CYP7B1: variants seen among roughly 807,000 people sequenced by gnomAD.
CYP7B1 encodes cytochrome P450 7B1.
Under a neutral mutation model 42.7 loss-of-function variants are expected in CYP7B1, and 29 were observed. The ratio of observed to expected loss-of-function variants is 0.68; its 90% CI spans 0.51 to 0.93. CYP7B1 has a LOEUF of 0.93. Among genes scored for constraint, CYP7B1 ranks in the 40% least tolerant of loss-of-function variants. CYP7B1 has a pLI of 0.00. For missense variants in CYP7B1, 655 were observed against 600.5 expected, an observed-to-expected ratio of 1.09 and a Z score of -0.95; for synonymous variants, 235 against 218.2, an observed-to-expected ratio of 1.08 and a Z score of -0.68.
chr8:64,794,403 T>C, intron 1 of CYP7B1, among the ~76,000 whole-genome samples: 1 of 152,230 alleles, frequency 6.6e-6, no homozygotes, highest in East Asian at 1.9e-4. Flanking sequence ...TTCAGACTGC[T>C]ATTGCAAAAT....
At chr8:64,588,786 T>C (rs62519840), downstream of CYP7B1, among the ~76,000 whole-genome samples, 11,583 of 152,296 alleles carry the variant, frequency 0.076, 503 homozygotes, top group Non-Finnish European at 0.1. Flanking sequence ...AAAATTCAGA[T>C]GCCAGGCTGA....
chr8:64,727,028 A>G, intron 1 of CYP7B1, among the ~76,000 whole-genome samples: 1 of 152,164 alleles, frequency 6.6e-6, no homozygotes, highest in African/African-American at 2.4e-5. Flanking sequence ...CAACACAAAT[A>G]GGTCTAATTC....
intron 1 of CYP7B1, among the ~76,000 whole-genome samples, chr8:64,635,070 A>G (rs1805750473): frequency 6.6e-6 from 1 of 152,234 alleles, no homozygotes; most frequent in Non-Finnish European, 1.5e-5. Context: ...CACAGCACAC[A>G]GTGTCTACTT....
chr8:64,777,721 C>A (rs1804349912), intron 1 of CYP7B1, among the ~76,000 whole-genome samples: 1 of 152,000 alleles, frequency 6.6e-6, no homozygotes, highest in Admixed American at 6.6e-5. Context: ...AACCCAAAGA[C>A]TCCATCCACC....
At chr8:64,787,030 A>G (rs1804539418) in intron 1 of CYP7B1, among the ~76,000 whole-genome samples, 1 of 152,240 alleles carries the variant, frequency 6.6e-6, no homozygotes, top group South Asian at 2.1e-4. Context: ...ACAGGGCATG[A>G]TGTCCTAGGC....
chr8:64,590,013 A>G (rs1000780773), downstream of CYP7B1, among the ~76,000 whole-genome samples: 1 of 152,242 alleles, frequency 6.6e-6, no homozygotes, highest in African/African-American at 2.4e-5. Context: ...CAGCACAGCC[A>G]TTGGGCATTT....
intron 2 of CYP7B1, among the ~76,000 whole-genome samples, chr8:64,620,462 C>T (rs923258406): frequency 6.6e-6 from 1 of 152,134 alleles, no homozygotes; most frequent in African/African-American, 2.4e-5. Context: ...CACCACCACA[C>T]AAAACCAATT....
intron 5 of CYP7B1, among the ~76,000 whole-genome samples, chr8:64,601,020 T>C (rs1805194867): frequency 6.6e-6 from 1 of 152,226 alleles, no homozygotes; most frequent in African/African-American, 2.4e-5. Context: ...TTAAGTCTAC[T>C]AGTGGCACAA....
At chr8:64,648,381 GAAATACAACGCTATTT>G (rs1805986073) in intron 1 of CYP7B1, among the ~76,000 whole-genome samples, 1 of 152,278 alleles carries the variant, frequency 6.6e-6, no homozygotes, top group African/African-American at 2.4e-5. Flanking sequence ...TTGTTAAAGA[GAAATACAACGCTATTT>G]AATGATGGTA....
intron 1 of CYP7B1, among the ~76,000 whole-genome samples, chr8:64,743,528 A>G (rs1034763451): frequency 6.6e-6 from 1 of 152,156 alleles, no homozygotes; most frequent in African/African-American, 2.4e-5. Context: ...GTCCAAGATC[A>G]AGGTGTCAAC....
chr8:64,628,252 G>GC (rs955164408), intron 1 of CYP7B1, among the ~76,000 whole-genome samples: 2 of 152,138 alleles, frequency 1.3e-5, no homozygotes, highest in Non-Finnish European at 2.9e-5. Context: ...CAAGTTCTAT[G>GC]CAAGTACCAT....
chr8:64,686,263 G>A (rs1182005112), intron 1 of CYP7B1, among the ~76,000 whole-genome samples: 4 of 45,442 alleles, frequency 8.8e-5, no homozygotes, highest in African/African-American at 3.3e-4. Context: ...CAGCCGCCCC[G>A]TCCGGGAGGG....
rs542026423 is a variant in CYP7B1 at position 64,755,286 on chromosome 8, C to T, written c.122+43180G>A. Among the ~76,000 whole-genome samples, 10 of 152,322 alleles carry T rather than the reference C, an allele frequency of 6.6e-5. No homozygotes were observed. In the East Asian group the frequency reaches 1.4e-3, roughly 21 times the overall value. On this transcript the variant is annotated intron_variant, in intron 1 of 5. Coordinates refer to ENST00000310193, the MANE Select transcript of CYP7B1 (RefSeq NM_004820.5). ...GTGCTTCATATGATTAGTGAAAGGA[C>T]GTTCTGCTTCTTCCATTTTATTTGT...
chr8:64,705,592 T>G (rs112193455), intron 1 of CYP7B1, among the ~76,000 whole-genome samples: 1 of 148,106 alleles, frequency 6.8e-6, no homozygotes, highest in Non-Finnish European at 1.5e-5. Flanking sequence ...TAAGATTTTT[T>G]GGGGGTGAGG....
chr8:64,723,732 A>C (rs1306675874), intron 1 of CYP7B1, among the ~76,000 whole-genome samples: 1 of 152,216 alleles, frequency 6.6e-6, no homozygotes, highest in East Asian at 1.9e-4. Flanking sequence ...ATCTCAAAGA[A>C]ATAAAAGCAC....
chr8:64,791,012 A>G (rs1378420443), intron 1 of CYP7B1, among the ~76,000 whole-genome samples: 1 of 152,220 alleles, frequency 6.6e-6, no homozygotes, highest in Non-Finnish European at 1.5e-5. Context: ...TTCAGGGTTA[A>G]GCTTCCACAA....
In CYP7B1 at chr8:64,596,867, C is replaced by T. The variant is rs1342380224; in HGVS notation, c.1296G>A (p.Gly432=). The T allele has an allele frequency of 6.2e-7, 1 of 1,613,766 alleles. No homozygotes were observed. The highest frequency in any genetic ancestry group is 8.5e-7 in the Non-Finnish European group (1 of 1,179,874). ...GCATTAGGTAACACTTCAGCTTTTT[C>T]CCTCTTTTGAAAAAGGTGGTTTTCT... ...GKKKTTFFKR[G]KKLKCYLMPF... is the part of the protein sequence containing the mutation. The change falls in exon 6 of 6, where the codon GGG becomes GGA. Residue 432 remains glycine (G), a synonymous_variant. Transcript: ENST00000310193.
intron 1 of CYP7B1, among the ~76,000 whole-genome samples, chr8:64,644,755 C>T (rs1191386587): frequency 6.6e-6 from 1 of 151,998 alleles, no homozygotes; most frequent in African/African-American, 2.4e-5. Context: ...TAGATTTCCA[C>T]ATTCTTTTAT....
At chr8:64,748,983 A>G (rs566684248) in intron 1 of CYP7B1, among the ~76,000 whole-genome samples, 14 of 152,336 alleles carry the variant, frequency 9.2e-5, no homozygotes, top group African/African-American at 3.1e-4. Context: ...ACAAAGGTTA[A>G]CCTAATATGC....
Sources: gnomAD v4.1 joint callset for allele counts (sites outside exome capture counted in the v4.1 genomes callset) on GRCh38, gnomAD v4.1.1 for gene constraint, MANE v1.5 for transcripts, NCBI Gene and HGNC (gene_info 2026-07-23, HGNC 2026-07-21) for gene names.